The following ASIC2 variants were observed in gnomAD, a reference collection of about 807,000 sequenced individuals.
The protein encoded by ASIC2 is acid sensing ion channel subunit 2, also known as acid-sensing ion channel 2.
In ASIC2, 25 loss-of-function variants were observed where a neutral mutation model predicts 57.3. The observed-to-expected ratio is 0.44, with a 90% confidence interval of 0.32 to 0.61. ASIC2 has a LOEUF of 0.61. ASIC2 is among the 20% of genes least tolerant of loss of function. The pLI, the probability that ASIC2 is intolerant of heterozygous loss-of-function variation, is 0.06. For missense variants in ASIC2, 641 were observed against 738.1 expected, an observed-to-expected ratio of 0.87 and a Z score of 1.52; for synonymous variants, 319 against 307.5, an observed-to-expected ratio of 1.04 and a Z score of -0.39.
In ASIC2 at chr17:33,028,314, T is replaced by C; in HGVS notation, c.1066A>G (p.Thr356Ala). 1 of 1,613,942 alleles carries C rather than the reference T, an allele frequency of 6.2e-7. No homozygotes were observed. Among genetic ancestry groups the C allele is most frequent in the Non-Finnish European group, 8.5e-7 (1 of 1,180,012 alleles). Residue 356 changes from threonine to alanine, a missense_variant, in exon 4 of 10, where the codon ACC becomes GCC. This residue lies in a region of ASIC2 where 252 missense variants were observed against 319.8 expected (regional missense o/e 0.79). Coordinates refer to ENST00000225823, the MANE Select transcript of ASIC2 (RefSeq NM_183377.2). Reference sequence around the variant, plus strand: ...GTCTCACAGTCAATCCTACAGGCGGTGATGCTGTAAACAGGAAAAAAGTCG... The same window carrying C: ...GTCTCACAGTCAATCCTACAGGCGGCGATGCTGTAAACAGGAAAAAAGTCG... ...GLDFFPVYSI[T>A]ACRIDCETRY...
intron 1 of ASIC2, among the ~76,000 whole-genome samples, chr17:33,949,196 C>T (rs1003078999): frequency 1.3e-5 from 2 of 151,962 alleles, no homozygotes; most frequent in Non-Finnish European, 2.9e-5. Flanking sequence ...TTTTCTTCAG[C>T]GTAATAGGAA....
At chr17:34,066,532 C>A (rs1909179153) in intron 1 of ASIC2, among the ~76,000 whole-genome samples, 2 of 152,132 alleles carry the variant, frequency 1.3e-5, no homozygotes, top group Admixed American at 6.5e-5. Flanking sequence ...GAGTGGAGTG[C>A]CAACTCTGCC....
intron 1 of ASIC2, among the ~76,000 whole-genome samples, chr17:33,913,827 T>C (rs1915524139): frequency 6.6e-6 from 1 of 152,242 alleles, no homozygotes; most frequent in Non-Finnish European, 1.5e-5. Flanking sequence ...ACTTTTCGTA[T>C]TTATTGAGCA....
At chr17:33,453,840 A>G (rs922829962) in intron 1 of ASIC2, among the ~76,000 whole-genome samples, 10 of 152,116 alleles carry the variant, frequency 6.6e-5, no homozygotes, top group African/African-American at 7.2e-5. Flanking sequence ...ACTGTGGATT[A>G]GTTTGCATTT....
chr17:33,953,594 A>G (rs1030180256), intron 1 of ASIC2, among the ~76,000 whole-genome samples: 2 of 152,166 alleles, frequency 1.3e-5, no homozygotes, highest in Non-Finnish European at 2.9e-5. Context: ...AAATCAATGC[A>G]GTGTATAAAC....
chr17:33,602,529 C>T (rs1434884739), intron 1 of ASIC2, among the ~76,000 whole-genome samples: 1 of 152,158 alleles, frequency 6.6e-6, no homozygotes, highest in Non-Finnish European at 1.5e-5. Flanking sequence ...CTTCTGGAAC[C>T]ATCAGCCAAT....
At chr17:33,426,806 T>TAATCACACA (rs1455110499) in intron 1 of ASIC2, among the ~76,000 whole-genome samples, 2 of 152,148 alleles carry the variant, frequency 1.3e-5, no homozygotes, top group African/African-American at 2.4e-5. Flanking sequence ...AATAAGCAAG[T>TAATCACACA]AATCACACAA....
At chr17:33,828,314 T>G (rs1191265579) in intron 1 of ASIC2, 1 of 152,228 alleles carries the variant, frequency 6.6e-6, no homozygotes, top group African/African-American at 2.4e-5. Flanking sequence ...TGCCTTTGAT[T>G]CACTGAGGGT....
At chr17:33,643,217 T>C (rs1906638086) in intron 1 of ASIC2, among the ~76,000 whole-genome samples, 1 of 151,982 alleles carries the variant, frequency 6.6e-6, no homozygotes, top group African/African-American at 2.4e-5. Flanking sequence ...TTGCCATTAA[T>C]TGGCAGCATT....
chr17:33,481,035 G>C (rs1298612172), intron 1 of ASIC2, among the ~76,000 whole-genome samples: 1 of 152,108 alleles, frequency 6.6e-6, no homozygotes. Context: ...GACACCACTA[G>C]TCATCATCAG....
chr17:33,950,989 T>C (rs1485765496), intron 1 of ASIC2, among the ~76,000 whole-genome samples: 1 of 152,204 alleles, frequency 6.6e-6, no homozygotes, highest in Admixed American at 6.5e-5. Context: ...CCTGATCTAT[T>C]CATTGGGAGG....
intron 1 of ASIC2, among the ~76,000 whole-genome samples, chr17:33,282,078 TTCAAAATTACCCAGCC>T (rs1248901970): frequency 2.0e-5 from 3 of 152,264 alleles, no homozygotes; most frequent in African/African-American, 7.2e-5. Context: ...CAGATTCTGC[TTCAAAATTACCCAGCC>T]TCGTTCACTA....
chr17:33,778,315 C>T (rs1911345406), intron 1 of ASIC2, among the ~76,000 whole-genome samples: 1 of 152,146 alleles, frequency 6.6e-6, no homozygotes, highest in South Asian at 2.1e-4. Flanking sequence ...TCCAAAAGAA[C>T]ACAGTCCTTG....
chr17:33,726,823 G>A (rs948729190), intron 1 of ASIC2, among the ~76,000 whole-genome samples: 3 of 152,162 alleles, frequency 2.0e-5, no homozygotes, highest in African/African-American at 7.2e-5. Flanking sequence ...ATTTGGAAAG[G>A]TGTGACCTCC....
chr17:33,419,400 C>T lies in ASIC2; in HGVS notation c.556-307333G>A, dbSNP rs543773268. The stretch of plus-strand genomic sequence containing the variant: ...GGATTTGACCAACCCCATTCCCAGG[C>T]GGCACAAAGCTTGTCAGTTCTGTGA... On this transcript the variant is annotated intron_variant, in intron 1 of 9. Coordinates refer to the ASIC2 transcript ENST00000359872. Among the ~76,000 whole-genome samples, 17 of 152,278 alleles carry T rather than the reference C, an allele frequency of 1.1e-4. 1 individual carries two copies. In the South Asian group the frequency reaches 2.9e-3, roughly 26 times the overall value.
At chr17:33,470,459 T>C (rs1374239814) in intron 1 of ASIC2, among the ~76,000 whole-genome samples, 1 of 149,050 alleles carries the variant, frequency 6.7e-6, no homozygotes, top group Non-Finnish European at 1.5e-5. Context: ...TTTAGCAGGC[T>C]TAAAAAATCT....
Position 33,204,181 on chromosome 17 carries a change from GT to G in ASIC2, c.708+87226del, listed in dbSNP as rs1351687873. 6.6e-5 allele frequency among the ~76,000 whole-genome samples: 10 copies of G among 152,202 alleles called. 1 individual carries two copies. The highest frequency in any genetic ancestry group is 1.5e-4 in the Non-Finnish European group (10 of 68,040). Reference sequence around the variant, plus strand: ...ATGTGGGGTCTTTCTCTTAAGTCTGGTTATTGTCTGGTCTTTTGTCTCATGA... The same window carrying G: ...ATGTGGGGTCTTTCTCTTAAGTCTGGTATTGTCTGGTCTTTTGTCTCATGA... On this transcript the variant is annotated intron_variant, in intron 1 of 9. Transcript: ENST00000225823.
At chr17:33,438,277 C>T (rs1016598436) in intron 1 of ASIC2, among the ~76,000 whole-genome samples, 3 of 152,148 alleles carry the variant, frequency 2.0e-5, no homozygotes, top group Non-Finnish European at 2.9e-5. Context: ...CATTTGTTTA[C>T]AGAACAGTAA....
At chr17:33,523,793 G>C (rs921232896) in intron 1 of ASIC2, among the ~76,000 whole-genome samples, 1 of 152,100 alleles carries the variant, frequency 6.6e-6, no homozygotes, top group Non-Finnish European at 1.5e-5. Flanking sequence ...ATCTACTCAC[G>C]GCTGATGTAG....
Sources: allele counts gnomAD v4.1 joint callset (sites outside exome capture counted in the v4.1 genomes callset), GRCh38; gene constraint gnomAD v4.1.1; regional missense constraint gnomAD v4.1.1; transcripts MANE v1.5; gene names NCBI Gene and HGNC (gene_info 2026-07-23, HGNC 2026-07-21).